DPYSL2: variants seen among roughly 807,000 people sequenced by gnomAD.
DPYSL2 encodes dihydropyrimidinase like 2.
Under a neutral mutation model 69.9 loss-of-function variants are expected in DPYSL2, and 13 were observed. That is an observed-to-expected ratio of 0.19 (90% CI 0.12 to 0.30). DPYSL2 has a LOEUF of 0.30. Among genes scored for constraint, DPYSL2 ranks in the 10% least tolerant of loss-of-function variants. The pLI, the probability that DPYSL2 is intolerant of heterozygous loss-of-function variation, is 1.00. For synonymous variants in DPYSL2, 326 were observed against 359.1 expected (o/e 0.91, Z 1.04); for missense variants, 587 against 918.9 (o/e 0.64, Z 4.67).
intron 1 of DPYSL2, among the ~76,000 whole-genome samples, chr8:26,576,146 C>T (rs1041667766): frequency 1.3e-5 from 2 of 152,102 alleles, no homozygotes; most frequent in African/African-American, 4.8e-5. Flanking sequence ...TTTGTGCGTG[C>T]CCTACGGCTA....
At chr8:26,559,862 A>G (rs997308478) in intron 1 of DPYSL2, among the ~76,000 whole-genome samples, 3 of 152,164 alleles carry the variant, frequency 2.0e-5, no homozygotes, top group African/African-American at 4.8e-5. Flanking sequence ...TCTGGCTTGC[A>G]TTAAATTCAC....
intron 1 of DPYSL2, chr8:26,578,055 A>G: frequency 7.6e-6 from 11 of 1,447,684 alleles, no homozygotes; most frequent in Non-Finnish European, 9.9e-6. Flanking sequence ...GTTGGAGGAG[A>G]GGAAGAAAGA....
rs1309051059 is a variant in DPYSL2, at chr8:26,598,483, T to C, written c.628+14500T>C. On this transcript the variant is annotated intron_variant, in intron 3 of 13. Coordinates refer to ENST00000521913, the MANE Select transcript of DPYSL2 (RefSeq NM_001197293.3). The surrounding 1 kb of genome is among the most constrained non-coding windows in gnomAD (Gnocchi z 4.2). ...TATTTTCCATGTTAAAAAAGGAAGA[T>C]CCATGTTGCTGTACTTAATGCTTCA... 6.6e-6 allele frequency among the ~76,000 whole-genome samples: 1 copy of C among 152,186 alleles called. No homozygotes were observed. Among genetic ancestry groups the C allele is most frequent in the East Asian group, 1.9e-4 (1 of 5,194 alleles).
Position 26,621,283 on chromosome 8 carries a change from C to T in DPYSL2, c.629-2860C>T, listed in dbSNP as rs150788960. Among the ~76,000 whole-genome samples, 2 of 152,302 alleles carry T rather than the reference C, an allele frequency of 1.3e-5. No homozygotes were observed. The highest frequency in any genetic ancestry group is 2.9e-5 in the Non-Finnish European group (2 of 68,022). On this transcript the variant is annotated intron_variant, in intron 3 of 13. Transcript: ENST00000521913. The surrounding 1 kb of genome is among the most constrained non-coding windows in gnomAD (Gnocchi z 4.9). ...AAATTTTCTGTATTTTTGAAATTTTCTACTCAAAGAATCATATCATCAGAA... is the reference window on the plus strand; with the variant it reads ...AAATTTTCTGTATTTTTGAAATTTTTTACTCAAAGAATCATATCATCAGAA...
At position 26,619,389 on chromosome 8, in the gene DPYSL2, C is replaced by G. The variant is rs911542726; in HGVS notation, c.629-4754C>G. On this transcript the variant is annotated intron_variant, in intron 3 of 13. Coordinates refer to ENST00000521913, the MANE Select transcript of DPYSL2 (RefSeq NM_001197293.3). The surrounding 1 kb of genome is among the most constrained non-coding windows in gnomAD (Gnocchi z 4.8). ...ATTTCCCCAAAGTGCTCAGCTGTGTCCGGGTCCTGAGTTTTTCAAGGGTTT... is the reference window on the plus strand; with the variant it reads ...ATTTCCCCAAAGTGCTCAGCTGTGTGCGGGTCCTGAGTTTTTCAAGGGTTT... 6.6e-6 allele frequency: 1 copy of G among 152,158 alleles called. No homozygotes were observed. Among genetic ancestry groups the G allele is most frequent in the African/African-American group, 2.4e-5 (1 of 41,426 alleles). The allele number at this position is 152,158 out of a possible 1,614,324, so 9.4% of individuals were successfully genotyped here. A position where few individuals can be genotyped will look rare whatever the true frequency, so the allele number is the denominator to read the frequency against.
chr8:26,617,230 C>G lies in DPYSL2; in HGVS notation c.629-6913C>G, dbSNP rs868443407. Among the ~76,000 whole-genome samples the G allele has an allele frequency of 6.6e-6, 1 of 152,168 alleles. No homozygotes were observed. Among genetic ancestry groups the G allele is most frequent in the Non-Finnish European group, 1.5e-5 (1 of 68,040 alleles). ...ACGGGGTGAAGGGTATGAAGGTTCT[C>G]TCTGTGTCATTTCTTAAAACTCCAT... On this transcript the variant is annotated intron_variant, in intron 3 of 13. Transcript: ENST00000521913. The surrounding 1 kb of genome is among the most constrained non-coding windows in gnomAD (Gnocchi z 4.7).
intron 1 of DPYSL2, among the ~76,000 whole-genome samples, chr8:26,534,782 G>A (rs1233330279): frequency 3.3e-5 from 5 of 151,980 alleles, no homozygotes; most frequent in African/African-American, 1.2e-4. Flanking sequence ...ACAGGCATCG[G>A]CCACCATGCC....
In DPYSL2 at chr8:26,647,617, C is replaced by T; in HGVS notation, c.1426-13C>T. The T allele has an allele frequency of 6.2e-7, 1 of 1,607,362 alleles. No homozygotes were observed. Among genetic ancestry groups the T allele is most frequent in the Non-Finnish European group, 8.5e-7 (1 of 1,177,266 alleles). On this transcript the variant is annotated splice_polypyrimidine_tract_variant and intron_variant, in intron 10 of 13. Transcript: ENST00000521913. This position sits in a 1 kb window ranked among gnomAD's most constrained non-coding sequence, Gnocchi z 5.1. ...TGTGTGCCTCCTGTGCACACCTATG[C>T]TGTCTCCCTCAGGTCACTGGGAAGA...
At chr8:26,592,406 G>C (rs772164529) in intron 3 of DPYSL2, among the ~76,000 whole-genome samples, 1 of 151,918 alleles carries the variant, frequency 6.6e-6, no homozygotes, top group Non-Finnish European at 1.5e-5. Context: ...TCCTGCCTTG[G>C]CCTCCCAAAG....
chr8:26,578,553 C>G (rs1483362328), intron 1 of DPYSL2: 1 of 1,385,024 alleles, frequency 7.2e-7, no homozygotes, highest in East Asian at 2.8e-5. Flanking sequence ...CAGACCCGGT[C>G]TATCTTTTAT....
At chr8:26,632,244 A>G (rs7812694) in intron 7 of DPYSL2, among the ~76,000 whole-genome samples, 12,683 of 152,218 alleles carry the variant, frequency 0.083, 621 homozygotes, top group South Asian at 0.16. Flanking sequence ...CTGCGTGACA[A>G]TCCGGGCAGT....
rs1461414685 is a variant in DPYSL2, at chr8:26,614,926, A to G, written c.629-9217A>G. On this transcript the variant is annotated intron_variant, in intron 3 of 13. Coordinates refer to ENST00000521913, the MANE Select transcript of DPYSL2 (RefSeq NM_001197293.3). This position sits in a 1 kb window ranked among gnomAD's most constrained non-coding sequence, Gnocchi z 4.9. ...GGATAAGACTGAATTTCACTTCTCAATTAACTAGCCCTCTTGCTCTCTTTT... is the reference window on the plus strand; with the variant it reads ...GGATAAGACTGAATTTCACTTCTCAGTTAACTAGCCCTCTTGCTCTCTTTT... Among the ~76,000 whole-genome samples, 2 of 152,188 alleles carry G rather than the reference A, an allele frequency of 1.3e-5. No homozygotes were observed. Among genetic ancestry groups the G allele is most frequent in the African/African-American group, 2.4e-5 (1 of 41,450 alleles).
At chr8:26,616,367 G>C (rs767677947) in intron 3 of DPYSL2, among the ~76,000 whole-genome samples, 4 of 152,138 alleles carry the variant, frequency 2.6e-5, no homozygotes, top group Admixed American at 6.5e-5. Flanking sequence ...AGGTCACCTG[G>C]CATTTTGCAG....
intron 3 of DPYSL2, among the ~76,000 whole-genome samples, chr8:26,613,436 C>A (rs551553655): frequency 4.6e-5 from 7 of 152,328 alleles, no homozygotes; most frequent in South Asian, 2.1e-4. Flanking sequence ...GCTCCAGGTG[C>A]CCACTCTAGG....
chr8:26,594,619 T>C (rs1801816960), intron 3 of DPYSL2, among the ~76,000 whole-genome samples: 1 of 152,232 alleles, frequency 6.6e-6, no homozygotes, highest in African/African-American at 2.4e-5. Flanking sequence ...CACTTATCTG[T>C]TTTACTTATC....
chr8:26,628,662 C>T (rs899468434), intron 7 of DPYSL2, among the ~76,000 whole-genome samples: 2 of 152,208 alleles, frequency 1.3e-5, no homozygotes, highest in African/African-American at 2.4e-5. Context: ...TCGAGTGAAG[C>T]GTGCAATCAG....
chr8:26,640,289 T>G lies in DPYSL2; in HGVS notation c.1127-3150T>G, dbSNP rs899674865. Among the ~76,000 whole-genome samples, 1 of 152,174 alleles carries G rather than the reference T, an allele frequency of 6.6e-6. No individual in the cohort carries two copies. Among genetic ancestry groups the G allele is most frequent in the Non-Finnish European group, 1.5e-5 (1 of 68,020 alleles). ...TCCCATCCCCTGCAGTTCTTGGCCTTATAGAGAGCCTGCCAGAGGCTGGCT... is the reference window on the plus strand; with the variant it reads ...TCCCATCCCCTGCAGTTCTTGGCCTGATAGAGAGCCTGCCAGAGGCTGGCT... On this transcript the variant is annotated intron_variant, in intron 8 of 13. Transcript: ENST00000521913. This position sits in a 1 kb window ranked among gnomAD's most constrained non-coding sequence, Gnocchi z 4.2.
chr8:26,622,506 A>AT lies in DPYSL2; in HGVS notation c.629-1626dup, dbSNP rs57951590. Among the ~76,000 whole-genome samples, 805 of 127,310 alleles carry AT rather than the reference A, an allele frequency of 6.3e-3. 5 individuals are homozygous for AT. Among genetic ancestry groups the AT allele is most frequent in the Non-Finnish European group, 7.0e-3 (428 of 60,722 alleles). The allele number at this position is 127,310 out of a possible 152,430, so 83.5% of individuals were successfully genotyped here. The stretch of plus-strand genomic sequence containing the variant: ...TGTGTGTGTGTGTGTGTATATATAT[A>AT]TTTTTTTTTTTCTTGAGACAAGGCC... On this transcript the variant is annotated intron_variant, in intron 3 of 13. Transcript: ENST00000521913.
chr8:26,608,436 C>A (rs1209718945), intron 3 of DPYSL2, among the ~76,000 whole-genome samples: 1 of 151,976 alleles, frequency 6.6e-6, no homozygotes, highest in Non-Finnish European at 1.5e-5. Context: ...ACAAAAGTTC[C>A]CTTTGAGGGA....
Sources: allele counts gnomAD v4.1 joint callset (sites outside exome capture counted in the v4.1 genomes callset), GRCh38; gene constraint gnomAD v4.1.1; non-coding constraint Gnocchi (gnomAD v3.1); transcripts MANE v1.5; gene names NCBI Gene and HGNC (gene_info 2026-07-23, HGNC 2026-07-21).